The following PCGF3 variants were observed in gnomAD, a reference collection of about 807,000 sequenced individuals.
PCGF3 encodes polycomb group RING finger protein 3.
In PCGF3, 7 loss-of-function variants were observed where a neutral mutation model predicts 33.1. The observed-to-expected ratio is 0.21, with a 90% CI of 0.12 to 0.40. The LOEUF (loss-of-function observed/expected upper bound fraction) is 0.40, where lower values mean the gene tolerates loss of function less well. PCGF3 is among the 10% of genes least tolerant of loss of function. PCGF3 has a pLI of 1.00. For synonymous variants in PCGF3, 153 were observed against 121.3 expected, an observed-to-expected ratio of 1.26 and a Z score of -1.72; for missense variants, 211 against 313.3, an observed-to-expected ratio of 0.67 and a Z score of 2.46.
chr4:755,616 A>G (rs970953251), intron 8 of PCGF3, among the ~76,000 whole-genome samples: 45 of 152,318 alleles, frequency 3.0e-4, no homozygotes, highest in Middle Eastern at 3.4e-3. Flanking sequence ...TCATAAATAC[A>G]TTCTCTTACA....
intron 8 of PCGF3, among the ~76,000 whole-genome samples, chr4:754,646 A>G (rs1174957011): frequency 6.6e-6 from 1 of 152,090 alleles, no homozygotes; most frequent in Non-Finnish European, 1.5e-5. Flanking sequence ...GAGGTTGGGG[A>G]CCTTGGGGGC....
At chr4:766,390 T>G (rs1745375570) in exon 11 of PCGF3, 2 of 266,700 alleles carry the variant, frequency 7.5e-6, no homozygotes, top group South Asian at 1.1e-4. Context: ...ACGAGCTCCC[T>G]CTGCTTGCTT....
At chr4:762,890 C>CAG (rs1370998775) in intron 9 of PCGF3, 1 of 152,138 alleles carries the variant, frequency 6.6e-6, no homozygotes, top group Non-Finnish European at 1.5e-5. Flanking sequence ...GGTGGTGATG[C>CAG]AGAGAAAAGG....
At position 721,495 on chromosome 4, in the gene PCGF3, G is replaced by A. The variant is rs1743073666; in HGVS notation, c.-189-9135G>A. ...CGTCCAGGCTGCAGAGGGTGCCGGG[G>A]TGGAGAGCGGAAGAGAGAGGGAGTC... On this transcript the variant is annotated intron_variant, in intron 1 of 10. Coordinates refer to ENST00000362003, the Ensembl canonical transcript of PCGF3. This position sits in a 1 kb window ranked among gnomAD's most constrained non-coding sequence, Gnocchi z 4.1. Among the ~76,000 whole-genome samples the A allele has an allele frequency of 6.6e-6, 1 of 152,146 alleles. No individual in the cohort carries two copies. The highest frequency in any genetic ancestry group is 2.4e-5 in the African/African-American group (1 of 41,430).
rs1021785695 is a variant in PCGF3, at chr4:721,637, C to T, written c.-189-8993C>T. Among the ~76,000 whole-genome samples the T allele has an allele frequency of 3.3e-5, 5 of 152,120 alleles. No homozygotes were observed. Among genetic ancestry groups the T allele is most frequent in the Non-Finnish European group, 7.3e-5 (5 of 68,028 alleles). ...GCTCCTGGTGAGCGGGGCTGCTGAACGCAGGCCCCAGGGCCTGTAGGACCC... is the reference window on the plus strand; with the variant it reads ...GCTCCTGGTGAGCGGGGCTGCTGAATGCAGGCCCCAGGGCCTGTAGGACCC... On this transcript the variant is annotated intron_variant, in intron 1 of 10. Transcript: ENST00000362003. The surrounding 1 kb of genome is among the most constrained non-coding windows in gnomAD (Gnocchi z 4.1).
intron 1 of PCGF3, among the ~76,000 whole-genome samples, chr4:722,685 TC>T (rs1169434690): frequency 9.3e-6 from 1 of 107,404 alleles, no homozygotes; most frequent in African/African-American, 3.9e-5. Flanking sequence ...GGGTCCACAC[TC>T]GCGTCATCAC....
intron 1 of PCGF3, among the ~76,000 whole-genome samples, chr4:716,921 G>C (rs1264918955): frequency 1.4e-5 from 2 of 147,496 alleles, no homozygotes; most frequent in East Asian, 4.2e-4. Context: ...AGAACTGGGC[G>C]TGGGTGCTGG....
chr4:733,881 T>G, intron 4 of PCGF3, 92 bp downstream of exon 4: 1 of 1,603,272 alleles, frequency 6.2e-7, no homozygotes, highest in Non-Finnish European at 8.5e-7. Context: ...CACACGCTTT[T>G]AGCTCAAGCC....
chr4:734,371 G>A, intron 4 of PCGF3: 1 of 1,404,916 alleles, frequency 7.1e-7, no homozygotes, highest in Non-Finnish European at 9.3e-7. Flanking sequence ...GATGGCTGGG[G>A]AGCATTTTGT....
chr4:723,074 G>A (rs1214024164), intron 1 of PCGF3, among the ~76,000 whole-genome samples: 2 of 133,808 alleles, frequency 1.5e-5, no homozygotes, highest in Non-Finnish European at 3.1e-5. Context: ...GTCCACACTC[G>A]CGTCATCGCC....
intron 1 of PCGF3, among the ~76,000 whole-genome samples, chr4:728,547 C>T (rs1039825381): frequency 5.3e-5 from 8 of 152,196 alleles, no homozygotes; most frequent in Admixed American, 3.3e-4. Flanking sequence ...ACTTGAGCAC[C>T]TGTGGATTTT....
chr4:761,921 A>C (rs1164662232), intron 9 of PCGF3: 2 of 985,402 alleles, frequency 2.0e-6, no homozygotes, highest in Middle Eastern at 5.2e-4. Flanking sequence ...TTGCATGGAG[A>C]CAGAAGGCGC....
At chr4:750,321 C>T (rs1744457469) in intron 8 of PCGF3, among the ~76,000 whole-genome samples, 1 of 152,208 alleles carries the variant, frequency 6.6e-6, no homozygotes, top group Non-Finnish European at 1.5e-5. Flanking sequence ...CCCGGGCGGT[C>T]AGGGAGTGTT....
chr4:753,781 C>G (rs1744639579), intron 8 of PCGF3, among the ~76,000 whole-genome samples: 1 of 151,976 alleles, frequency 6.6e-6, no homozygotes, highest in African/African-American at 2.4e-5. Flanking sequence ...AACCCCGTCT[C>G]TACTAAAATA....
At chr4:766,628 T>C (rs1238817507) in exon 11 of PCGF3, 2 of 152,380 alleles carry the variant, frequency 1.3e-5, no homozygotes, top group Non-Finnish European at 2.9e-5. Context: ...ATTAACATTA[T>C]GATTTAACCA....
At chr4:706,952 G>A (rs902335809) in intron 1 of PCGF3, among the ~76,000 whole-genome samples, 3 of 147,914 alleles carry the variant, frequency 2.0e-5, no homozygotes, top group African/African-American at 7.5e-5. Context: ...GCCCAGGCAG[G>A]ACCGCGGGAG....
chr4:765,778 G>A (rs550841749), intron 10 of PCGF3, among the ~76,000 whole-genome samples: 86 of 152,208 alleles, frequency 5.7e-4, no homozygotes, highest in Non-Finnish European at 1.0e-3. Flanking sequence ...TCAGGTACAG[G>A]TGGCCACCAC....
intron 6 of PCGF3, among the ~76,000 whole-genome samples, chr4:742,328 G>C (rs1744131499): frequency 6.6e-6 from 1 of 152,212 alleles, no homozygotes; most frequent in Admixed American, 6.5e-5. Context: ...TGCACGGTTG[G>C]TGTTTGTGAG....
chr4:714,519 C>T (rs1320208099), intron 1 of PCGF3, among the ~76,000 whole-genome samples: 3 of 152,204 alleles, frequency 2.0e-5, no homozygotes, highest in Admixed American at 1.3e-4. Flanking sequence ...ATTTTCAGGC[C>T]GCCTTACCTC....
Sources: gnomAD v4.1 joint callset for allele counts (sites outside exome capture counted in the v4.1 genomes callset) on GRCh38, gnomAD v4.1.1 for gene constraint, Gnocchi (gnomAD v3.1) non-coding constraint, MANE v1.5 for transcripts, NCBI Gene and HGNC (gene_info 2026-07-23, HGNC 2026-07-21) for gene names.